Variants in SERGEF observed in about 807,000 individuals in gnomAD.
SERGEF encodes secretion-regulating guanine nucleotide exchange factor.
Under a neutral mutation model 50.0 loss-of-function variants are expected in SERGEF, and 51 were observed. The observed-to-expected ratio is 1.02, with a 90% CI of 0.81 to 1.29. The LOEUF is 1.29. Ranked by LOEUF, SERGEF falls within the 50% of genes most tolerant of loss-of-function variation. The pLI, the probability that SERGEF is intolerant of heterozygous loss-of-function variation, is 0.00. For missense variants in SERGEF, 521 were observed against 557.0 expected (o/e 0.94, Z 0.65); for synonymous variants, 205 against 212.4 (o/e 0.97, Z 0.30).
chr11:17,919,071 A>G (rs770008388), intron 9 of SERGEF, among the ~76,000 whole-genome samples: 18 of 152,200 alleles, frequency 1.2e-4, no homozygotes, highest in Non-Finnish European at 2.2e-4. Flanking sequence ...ATTGAACCCC[A>G]AATCCTTTTT....
chr11:17,842,417 C>A (rs1162007496), intron 10 of SERGEF, among the ~76,000 whole-genome samples: 2 of 152,184 alleles, frequency 1.3e-5, no homozygotes. Context: ...CACAGCATTG[C>A]CATCATTACC....
At chr11:17,998,420 A>AATACATAC (rs1313104622) in intron 5 of SERGEF, among the ~76,000 whole-genome samples, 38 of 56,390 alleles carry the variant, frequency 6.7e-4, no homozygotes, top group East Asian at 1.1e-3. Flanking sequence ...CTATCTTAAA[A>AATACATAC]ATACATACAT....
At chr11:17,851,083 G>C (rs1190047695) in intron 10 of SERGEF, among the ~76,000 whole-genome samples, 2 of 152,112 alleles carry the variant, frequency 1.3e-5, no homozygotes, top group Non-Finnish European at 2.9e-5. Flanking sequence ...CCTCCCTAGG[G>C]CAGTATTTCC....
intron 10 of SERGEF, chr11:17,846,865 G>A (rs1590152816): frequency 1.2e-5 from 5 of 418,224 alleles, no homozygotes; most frequent in South Asian, 6.9e-5. Flanking sequence ...GGTGTTTCCT[G>A]AAGGGATTCT....
chr11:17,836,284 A>G (rs992718563), intron 10 of SERGEF, among the ~76,000 whole-genome samples: 1 of 152,210 alleles, frequency 6.6e-6, no homozygotes, highest in African/African-American at 2.4e-5. Flanking sequence ...GGAGAAAAGG[A>G]CCAATGTCCA....
chr11:17,922,364 G>A (rs774107581), intron 9 of SERGEF, among the ~76,000 whole-genome samples: 16 of 152,166 alleles, frequency 1.1e-4, no homozygotes, highest in Non-Finnish European at 2.4e-4. Context: ...ACAGACAAGG[G>A]TCTTTCAGAG....
At chr11:17,989,871 A>G (rs1853677393) in intron 7 of SERGEF, among the ~76,000 whole-genome samples, 2 of 152,380 alleles carry the variant, frequency 1.3e-5, no homozygotes, top group Admixed American at 1.3e-4. Context: ...TGTTGAAATA[A>G]TATTTTGGAT....
chr11:18,009,837 T>A (rs1854160562), intron 1 of SERGEF, among the ~76,000 whole-genome samples: 1 of 152,202 alleles, frequency 6.6e-6, no homozygotes. Flanking sequence ...AGTACATATG[T>A]CATATATACT....
At chr11:18,012,187 C>G (rs1854209346) in intron 1 of SERGEF, among the ~76,000 whole-genome samples, 1 of 152,224 alleles carries the variant, frequency 6.6e-6, no homozygotes, top group South Asian at 2.1e-4. Context: ...TCTTACCACA[C>G]TTACTTTCCA....
chr11:17,882,345 G>A (rs1851348518), intron 9 of SERGEF, among the ~76,000 whole-genome samples: 1 of 151,592 alleles, frequency 6.6e-6, no homozygotes, highest in South Asian at 2.1e-4. Context: ...CTTTAACCTG[G>A]GAGGTGGAGG....
chr11:17,892,561 G>A (rs962739482), intron 9 of SERGEF, among the ~76,000 whole-genome samples: 10 of 152,144 alleles, frequency 6.6e-5, no homozygotes, highest in Admixed American at 3.9e-4. Flanking sequence ...ACTGTTTCTC[G>A]TAGTAGAACC....
chr11:17,894,486 T>C (rs1341330948), intron 9 of SERGEF, among the ~76,000 whole-genome samples: 1 of 152,212 alleles, frequency 6.6e-6, no homozygotes, highest in African/African-American at 2.4e-5. Context: ...GGTCCTGCTA[T>C]AGAAATAGTA....
chr11:17,852,874 C>T (rs1487258371), intron 10 of SERGEF, among the ~76,000 whole-genome samples: 2 of 152,150 alleles, frequency 1.3e-5, no homozygotes, highest in Non-Finnish European at 2.9e-5. Context: ...TCCTAATTCT[C>T]GCTCAGTGCT....
chr11:17,912,157 T>C (rs1182858696), intron 9 of SERGEF, among the ~76,000 whole-genome samples: 1 of 151,880 alleles, frequency 6.6e-6, no homozygotes, highest in Non-Finnish European at 1.5e-5. Flanking sequence ...ACATACAGTA[T>C]AGAAGAGAAG....
intron 8 of SERGEF, among the ~76,000 whole-genome samples, chr11:17,968,292 T>G (rs941691098): frequency 9.2e-5 from 14 of 152,180 alleles, no homozygotes; most frequent in Admixed American, 7.2e-4. Context: ...ACAAATAATT[T>G]TCCAAGTCAC....
At chr11:17,911,078 T>A (rs1013245097) in intron 9 of SERGEF, among the ~76,000 whole-genome samples, 2 of 152,148 alleles carry the variant, frequency 1.3e-5, no homozygotes, top group African/African-American at 4.8e-5. Flanking sequence ...GCACATGAGA[T>A]GAATAAGAGA....
intron 10 of SERGEF, among the ~76,000 whole-genome samples, chr11:17,792,216 G>C (rs1849494089): frequency 6.6e-6 from 1 of 152,216 alleles, no homozygotes; most frequent in African/African-American, 2.4e-5. Context: ...ATGTCTGCCT[G>C]TTTGGCCCAC....
At chr11:17,814,998 C>T (rs1364862083) in intron 10 of SERGEF, among the ~76,000 whole-genome samples, 1 of 151,918 alleles carries the variant, frequency 6.6e-6, no homozygotes, top group Non-Finnish European at 1.5e-5. Flanking sequence ...CTGGACTACG[C>T]AGCAAGACCT....
intron 10 of SERGEF, among the ~76,000 whole-genome samples, chr11:17,869,189 C>T (rs1159165436): frequency 6.6e-6 from 1 of 151,972 alleles, no homozygotes; most frequent in African/African-American, 2.4e-5. Context: ...ACTCAAAATC[C>T]AAAAGCCATA....
Sources: allele counts gnomAD v4.1 joint callset (sites outside exome capture counted in the v4.1 genomes callset), GRCh38; gene constraint gnomAD v4.1.1; transcripts MANE v1.5; gene names NCBI Gene and HGNC (gene_info 2026-07-23, HGNC 2026-07-21).